Variants in FADS2 observed in about 807,000 individuals in gnomAD.
The protein encoded by FADS2 is fatty acid desaturase 2.
In FADS2, 18 loss-of-function variants were observed where a neutral mutation model predicts 61.2. The ratio of observed to expected loss-of-function variants is 0.29; its 90% CI spans 0.20 to 0.44. The LOEUF is 0.44. FADS2 is among the 20% of genes least tolerant of loss of function. The pLI, the probability that FADS2 is intolerant of heterozygous loss-of-function variation, is 1.00. For missense variants in FADS2, 322 were observed against 572.7 expected (o/e 0.56, Z 4.47); for synonymous variants, 203 against 223.9 (o/e 0.91, Z 0.83).
At chr11:61,858,240 T>A (rs752063660) in intron 7 of FADS2, among the ~76,000 whole-genome samples, 21 of 109,030 alleles carry the variant, frequency 1.9e-4, no homozygotes, top group Non-Finnish European at 4.6e-4. Flanking sequence ...TGCAGTGGTG[T>A]GATCTCGACT....
intron 1 of FADS2, among the ~76,000 whole-genome samples, chr11:61,818,322 G>A (rs1341924585): frequency 1.3e-5 from 2 of 152,162 alleles, no homozygotes; most frequent in African/African-American, 4.8e-5. Flanking sequence ...TAAGATGCCA[G>A]GCTATTGGAC....
chr11:61,823,692 A>G (rs759503125), upstream of FADS2, among the ~76,000 whole-genome samples: 1 of 151,940 alleles, frequency 6.6e-6, no homozygotes, highest in African/African-American at 2.4e-5. Context: ...AATTTTTTAT[A>G]TTTTTGTACA....
At chr11:61,821,556 A>G (rs1040759531) in intron 1 of FADS2, 28 of 637,086 alleles carry the variant, frequency 4.4e-5, no homozygotes, top group Non-Finnish European at 6.8e-5. Flanking sequence ...GTCAACACAT[A>G]TAGGAGAAGC....
At chr11:61,853,237 CTTT>C (rs2067323517) in intron 5 of FADS2, among the ~76,000 whole-genome samples, 1 of 146,938 alleles carries the variant, frequency 6.8e-6, no homozygotes, top group African/African-American at 2.6e-5. Context: ...TCTTCTCTTT[CTTT>C]CTTTCTCTCT....
intron 1 of FADS2, among the ~76,000 whole-genome samples, chr11:61,822,372 A>G (rs2067042212): frequency 6.6e-6 from 1 of 152,242 alleles, no homozygotes; most frequent in African/African-American, 2.4e-5. Context: ...GAAGCCACAC[A>G]TGAAATTTAG....
chr11:61,838,502 T>C (rs946247866), intron 2 of FADS2, among the ~76,000 whole-genome samples: 1 of 151,980 alleles, frequency 6.6e-6, no homozygotes, highest in African/African-American at 2.4e-5. Context: ...ACCCACAGGC[T>C]GTGACCAGGG....
At position 61,863,694 on chromosome 11, in the gene FADS2, C is replaced by G; in HGVS notation, c.1078-13C>G. ...TTCCTTTGTTCCCTGACACTCATCC[C>G]CTCCACTGACAGCTGACAGCCACCT... On this transcript the variant is annotated splice_polypyrimidine_tract_variant and intron_variant, in intron 9 of 11. Transcript: ENST00000278840. 1 of 1,611,678 alleles carries G rather than the reference C, an allele frequency of 6.2e-7. No homozygotes were observed. The highest frequency in any genetic ancestry group is 8.5e-7 in the Non-Finnish European group (1 of 1,177,788).
intron 2 of FADS2, among the ~76,000 whole-genome samples, 182 bp downstream of exon 2, chr11:61,838,070 G>A (rs767777621): frequency 1.3e-4 from 20 of 152,100 alleles, no homozygotes; most frequent in Non-Finnish European, 1.0e-4. Context: ...CCTGGGAGCC[G>A]GGGTTTGACA....
intron 6 of FADS2, 27 bp from the exon 7 acceptor site, chr11:61,857,427 C>T: frequency 1.2e-6 from 2 of 1,607,716 alleles, no homozygotes; most frequent in South Asian, 2.2e-5. Context: ...GAATGGATGC[C>T]TCTAAGCGCC....
At chr11:61,857,399 TC>T in intron 6 of FADS2, 54 bp from the exon 7 acceptor site, 1 of 1,536,766 alleles carries the variant, frequency 6.5e-7, no homozygotes, top group South Asian at 1.1e-5. Flanking sequence ...CCCCTGACCT[TC>T]CGGCACAGGC....
chr11:61,818,735 A>G (rs567315435), intron 1 of FADS2, among the ~76,000 whole-genome samples: 1 of 152,380 alleles, frequency 6.6e-6, no homozygotes, highest in Admixed American at 6.5e-5. Context: ...TGGGTATTAA[A>G]TAACAGAAGA....
At chr11:61,824,491 A>AG (rs1565325423), upstream of FADS2, among the ~76,000 whole-genome samples, 10 of 9,656 alleles carry the variant, frequency 1.0e-3, 1 homozygote, top group African/African-American at 1.5e-3. Flanking sequence ...AGAGAGAGAG[A>AG]AAGAAAGAAA....
chr11:61,817,189 GCCGCAGGAAGGGTGGGC>G, intron 1 of FADS2: 1 of 180,866 alleles, frequency 5.5e-6, no homozygotes, highest in Non-Finnish European at 1.1e-5. Context: ...CTGCGGGGTG[GCCGCAGGAAGGGTGGGC>G]GGGGCCGGGG....
chr11:61,817,345 G>A (rs968835679), intron 1 of FADS2: 3 of 191,464 alleles, frequency 1.6e-5, no homozygotes, highest in Non-Finnish European at 3.2e-5. Flanking sequence ...TTGCCACGTC[G>A]TGCCGCCAAT....
intron 1 of FADS2, chr11:61,817,170 G>C (rs1044840058): frequency 6.3e-5 from 24 of 379,808 alleles, no homozygotes; most frequent in African/African-American, 4.5e-4. Flanking sequence ...ATGGACTGAG[G>C]GGCCAGGGCT....
upstream of FADS2, chr11:61,828,226 C>A: frequency 7.0e-7 from 1 of 1,433,186 alleles, no homozygotes; most frequent in Non-Finnish European, 9.1e-7. This position sits in a 1 kb window ranked among gnomAD's most constrained non-coding sequence, Gnocchi z 6.4. Flanking sequence ...CGAGCGCAGG[C>A]GAGAAGGCTG....
chr11:61,865,593 A>T lies in FADS2; in HGVS notation c.1284-45A>T, dbSNP rs199507617. On this transcript the variant is annotated intron_variant, in intron 11 of 11. Coordinates refer to ENST00000278840, the MANE Select transcript of FADS2 (RefSeq NM_004265.4). This position sits in a 1 kb window ranked among gnomAD's most constrained non-coding sequence, Gnocchi z 4.1. ...CTCAGCCCTTGCACTCCCTGGGGCC[A>T]CTCCCGTCCTGGTCCCTGACCCTGG... 5.1e-6 allele frequency: 8 copies of T among 1,582,362 alleles called. No homozygotes were observed. Among genetic ancestry groups the T allele is most frequent in the Middle Eastern group, 1.7e-4 (1 of 5,980 alleles).
chr11:61,865,638 G>A lies in FADS2; in HGVS notation c.1284G>A (p.Arg428=). The A allele has an allele frequency of 6.2e-7, 1 of 1,613,100 alleles. No individual in the cohort carries two copies. Among genetic ancestry groups the A allele is most frequent in the Non-Finnish European group, 8.5e-7 (1 of 1,179,560 alleles). The part of the protein sequence containing the change: ...PLLRALLDII[R]SLKKSGKLWL... ...CCCTGGTCCATCCCCAACTTTGCAG[G>A]TCCCTGAAGAAGTCTGGGAAGCTGT... is the stretch of plus-strand genomic sequence containing the variant. The change falls in exon 12 of 12, where the codon AGG becomes AGA. Residue 428 remains arginine (R), a splice_region_variant and synonymous_variant. Transcript: ENST00000278840. This position sits in a 1 kb window ranked among gnomAD's most constrained non-coding sequence, Gnocchi z 4.1.
chr11:61,824,393 AAAGAG>A (rs1168106359), upstream of FADS2, among the ~76,000 whole-genome samples: 1 of 63,492 alleles, frequency 1.6e-5, no homozygotes, highest in Non-Finnish European at 3.3e-5. Flanking sequence ...GGGGAAAAAA[AAAGAG>A]AGAGAGAGAG....
Sources: gnomAD v4.1 joint callset for allele counts (sites outside exome capture counted in the v4.1 genomes callset) on GRCh38, gnomAD v4.1.1 for gene constraint, Gnocchi (gnomAD v3.1) non-coding constraint, MANE v1.5 for transcripts, NCBI Gene and HGNC (gene_info 2026-07-23, HGNC 2026-07-21) for gene names.